GPRC5B: variants seen among roughly 807,000 people sequenced by gnomAD.
The protein encoded by GPRC5B is G protein-coupled receptor family C group 5 member B.
GPRC5B carries 16 observed loss-of-function variants against 30.1 expected under a neutral mutation model. The observed-to-expected ratio is 0.53, with a 90% CI of 0.36 to 0.81. GPRC5B has a LOEUF of 0.81. Ranked by LOEUF, GPRC5B falls within the 30% of genes least tolerant of loss-of-function variation. The probability of loss-of-function intolerance (pLI) is 0.01; values close to 1 mark genes in which losing one functional copy is unlikely to be tolerated. For synonymous variants in GPRC5B, 241 were observed against 239.5 expected, an observed-to-expected ratio of 1.01 and a Z score of -0.06; for missense variants, 428 against 544.7, an observed-to-expected ratio of 0.79 and a Z score of 2.13.
In GPRC5B at chr16:19,872,902, G is replaced by A. The variant is rs2056734447; in HGVS notation, c.-1-56C>T. The A allele has an allele frequency of 1.5e-6, 2 of 1,293,350 alleles. No individual in the cohort carries two copies. Among genetic ancestry groups the A allele is most frequent in the South Asian group, 2.5e-5 (2 of 78,710 alleles). 80.1% of individuals were successfully genotyped at this position (1,293,350 alleles called of 1,614,324 possible). On this transcript the variant is annotated intron_variant, in intron 1 of 3. Transcript: ENST00000300571. The surrounding 1 kb of genome is among the most constrained non-coding windows in gnomAD (Gnocchi z 5.0). Reference sequence around the variant, plus strand: ...GGAAGGAAAGATGAATTCATTGGAAGACTCCCCCTCTCCTGACTTCTTGAA... The same window carrying A: ...GGAAGGAAAGATGAATTCATTGGAAAACTCCCCCTCTCCTGACTTCTTGAA...
intron 1 of GPRC5B, among the ~76,000 whole-genome samples, chr16:19,884,082 T>TCC (rs1555459274): frequency 3.3e-5 from 4 of 122,362 alleles, no homozygotes; most frequent in African/African-American, 3.5e-5. Context: ...GAAACGCCAC[T>TCC]GCCCCCCCCG....
At chr16:19,869,531 C>G (rs567045246) in intron 2 of GPRC5B, among the ~76,000 whole-genome samples, 1 of 151,990 alleles carries the variant, frequency 6.6e-6, no homozygotes, top group Non-Finnish European at 1.5e-5. Context: ...AATGATTCTA[C>G]GAGATACTTT....
At chr16:19,874,959 C>A (rs1425601043) in intron 1 of GPRC5B, among the ~76,000 whole-genome samples, 1 of 151,396 alleles carries the variant, frequency 6.6e-6, no homozygotes, top group African/African-American at 2.4e-5. Flanking sequence ...TGTTTCCTGG[C>A]CTCTCAAGCC....
Position 19,883,360 on chromosome 16 carries a change from C to G in GPRC5B, c.-2+1367G>C, listed in dbSNP as rs116397821. 5.6e-3 allele frequency among the ~76,000 whole-genome samples: 856 copies of G among 152,332 alleles called. 10 individuals carry two copies. The highest frequency in any genetic ancestry group is 0.019 in the African/African-American group (800 of 41,570). On this transcript the variant is annotated intron_variant, in intron 1 of 3. Transcript: ENST00000300571. ...CTTAGAGCAGGGAGCAGATAGCAAA[C>G]TGTTCACTCCACAGTCTTAGATACC...
At chr16:19,885,290 T>C, upstream of GPRC5B, 1 of 1,274,944 alleles carries the variant, frequency 7.8e-7, no homozygotes, top group Non-Finnish European at 1.0e-6. This position sits in a 1 kb window ranked among gnomAD's most constrained non-coding sequence, Gnocchi z 5.3. Flanking sequence ...AAGCAGTAAC[T>C]TCCCCGAAAC....
chr16:19,883,341 G>A (rs1247929396), intron 1 of GPRC5B, among the ~76,000 whole-genome samples: 6 of 152,182 alleles, frequency 3.9e-5, no homozygotes, highest in African/African-American at 1.4e-4. Flanking sequence ...CAGGCTTAGA[G>A]CAGGGAGCAG....
chr16:19,863,800 T>A (rs1247413887), intron 2 of GPRC5B, among the ~76,000 whole-genome samples: 1 of 152,050 alleles, frequency 6.6e-6, no homozygotes, highest in East Asian at 1.9e-4. Context: ...TGTGCCCAGC[T>A]GGCATTCGAT....
rs11644779 is a variant in GPRC5B at position 19,884,570 on chromosome 16, T to C, written c.-2+157A>G. On this transcript the variant is annotated intron_variant, in intron 1 of 3. Transcript: ENST00000300571. ...GCACCGTGGTTCCCCTCGCCCAGAT[T>C]CCACATCTCCCCCAGCAATAAACTC... Among the ~76,000 whole-genome samples the C allele has an allele frequency of 0.61, 88,889 of 146,214 alleles. 27,183 individuals are homozygous for C. The highest frequency in any genetic ancestry group is 0.68 in the African/African-American group (26,881 of 39,478).
chr16:19,861,101 AAAAG>A (rs1175965229), intron 3 of GPRC5B, among the ~76,000 whole-genome samples: 1 of 151,710 alleles, frequency 6.6e-6, no homozygotes, highest in Non-Finnish European at 1.5e-5. Flanking sequence ...AAAAAAAAAA[AAAAG>A]AAGAATGCTC....
At chr16:19,871,509 C>T (rs1427345882) in intron 2 of GPRC5B, among the ~76,000 whole-genome samples, 1 of 152,104 alleles carries the variant, frequency 6.6e-6, no homozygotes, top group Non-Finnish European at 1.5e-5. Context: ...ATAGTCCCAG[C>T]TACTTGGGAG....
Position 19,858,703 on chromosome 16 carries a change from AC to A in GPRC5B, c.*1796del. 2 of 455,414 alleles carry A rather than the reference AC, an allele frequency of 4.4e-6. No homozygotes were observed. Among genetic ancestry groups the A allele is most frequent in the African/African-American group, 2.0e-5 (1 of 49,236 alleles). 28.2% of individuals were successfully genotyped at this position (455,414 alleles called of 1,614,324 possible). On this transcript the variant is annotated 3_prime_UTR_variant, in exon 4 of 4. Transcript: ENST00000300571. ...CCTCCCACCCCTCCCCAGGACTCTT[AC>A]GTTTTCTGTCCACGCAATGACTGGA... is the stretch of plus-strand genomic sequence containing the variant.
At chr16:19,878,955 C>T (rs569866033) in intron 1 of GPRC5B, among the ~76,000 whole-genome samples, 1 of 152,112 alleles carries the variant, frequency 6.6e-6, no homozygotes, top group African/African-American at 2.4e-5. Context: ...GTGCTGCAGG[C>T]GATGTGGGGG....
intron 2 of GPRC5B, among the ~76,000 whole-genome samples, chr16:19,867,452 G>A (rs574806891): frequency 6.6e-6 from 1 of 152,278 alleles, no homozygotes; most frequent in African/African-American, 2.4e-5. Flanking sequence ...GAATGATACC[G>A]GGCCCCCAGG....
chr16:19,884,833 C>G lies in GPRC5B; in HGVS notation c.-108G>C, dbSNP rs2056838382. The G allele has an allele frequency of 1.0e-6, 1 of 983,936 alleles. No homozygotes were observed. The highest frequency in any genetic ancestry group is 1.2e-6 in the Non-Finnish European group (1 of 829,494). 61.0% of individuals were successfully genotyped at this position (983,936 alleles called of 1,614,324 possible). On this transcript the variant is annotated 5_prime_UTR_variant, in exon 1 of 4. Transcript: ENST00000300571. ...GCTCCACGCACGCCCGCCTGCGGGTCCAGCTTCACTGCAGCGCCTGCCAGA... is the reference window on the plus strand; with the variant it reads ...GCTCCACGCACGCCCGCCTGCGGGTGCAGCTTCACTGCAGCGCCTGCCAGA...
chr16:19,864,911 AT>A (rs1163249399), intron 2 of GPRC5B, among the ~76,000 whole-genome samples: 24,222 of 125,862 alleles, frequency 0.19, 1,617 homozygotes, highest in East Asian at 0.25. Flanking sequence ...GCCCGGTCTC[AT>A]TTTTTTTTTT....
chr16:19,869,731 C>A (rs1433158980), intron 2 of GPRC5B, among the ~76,000 whole-genome samples: 1 of 152,076 alleles, frequency 6.6e-6, no homozygotes, highest in Non-Finnish European at 1.5e-5. Flanking sequence ...TGCCTTGGAA[C>A]TGATGATACT....
At chr16:19,882,516 C>T (rs1304193138) in intron 1 of GPRC5B, among the ~76,000 whole-genome samples, 1 of 152,176 alleles carries the variant, frequency 6.6e-6, no homozygotes, top group African/African-American at 2.4e-5. Context: ...GATTTTAAAA[C>T]CTGAGCTGCT....
intron 1 of GPRC5B, among the ~76,000 whole-genome samples, chr16:19,882,755 C>T (rs1234629120): frequency 6.6e-6 from 1 of 152,214 alleles, no homozygotes; most frequent in Non-Finnish European, 1.5e-5. Context: ...ACCCTAAACT[C>T]CTTTCCATGA....
intron 3 of GPRC5B, 91 bp downstream of exon 3, chr16:19,861,745 GC>G: frequency 9.5e-7 from 1 of 1,056,430 alleles, no homozygotes. Context: ...CACATGGGCA[GC>G]CTCCATGGAG....
Sources: gnomAD v4.1 joint callset for allele counts (sites outside exome capture counted in the v4.1 genomes callset) on GRCh38, gnomAD v4.1.1 for gene constraint, Gnocchi (gnomAD v3.1) non-coding constraint, MANE v1.5 for transcripts, NCBI Gene and HGNC (gene_info 2026-07-23, HGNC 2026-07-21) for gene names.